Variants in STAU2 observed in about 807,000 individuals in gnomAD.
STAU2 encodes the protein double-stranded RNA-binding protein Staufen homolog 2.
Under a neutral mutation model 65.9 loss-of-function variants are expected in STAU2, and 20 were observed. The ratio of observed to expected loss-of-function variants is 0.30; its 90% CI spans 0.21 to 0.44. The LOEUF is 0.44. Among genes scored for constraint, STAU2 ranks in the 20% least tolerant of loss-of-function variants. The pLI is 1.00. For missense variants in STAU2, 558 were observed against 683.9 expected (o/e 0.82, Z 2.05); for synonymous variants, 232 against 233.9 (o/e 0.99, Z 0.07).
intron 12 of STAU2, among the ~76,000 whole-genome samples, chr8:73,564,873 T>C (rs2128951450): frequency 6.6e-6 from 1 of 152,224 alleles, no homozygotes; most frequent in Admixed American, 6.5e-5. Context: ...GCATATTAGG[T>C]TCACTGGCAG....
chr8:73,662,153 C>T (rs997146896), intron 6 of STAU2, among the ~76,000 whole-genome samples: 4 of 152,154 alleles, frequency 2.6e-5, no homozygotes, highest in African/African-American at 9.7e-5. Flanking sequence ...TGACTAATCA[C>T]TTTGAGCATC....
chr8:73,529,913 C>T (rs961971443), intron 13 of STAU2, among the ~76,000 whole-genome samples: 6 of 152,290 alleles, frequency 3.9e-5, no homozygotes, highest in Admixed American at 2.0e-4. Flanking sequence ...ATTTTCCAGG[C>T]TCCCTTGCAA....
intron 12 of STAU2, among the ~76,000 whole-genome samples, chr8:73,564,946 G>A (rs530078204): frequency 3.9e-4 from 60 of 152,294 alleles, no homozygotes; most frequent in African/African-American, 1.3e-3. Flanking sequence ...GTGCACATGT[G>A]TCCTGGAATG....
intron 13 of STAU2, among the ~76,000 whole-genome samples, chr8:73,449,947 C>T (rs917635124): frequency 1.3e-5 from 2 of 152,178 alleles, no homozygotes; most frequent in Non-Finnish European, 2.9e-5. Context: ...CAGCACTTCC[C>T]CACCAGGGCT....
chr8:73,737,296 G>A lies in STAU2; in HGVS notation c.-18+988C>T, dbSNP rs369634702. ...AGTGATTCTCCTGCCTCAGCCTCCC[G>A]AGTAGCTGGGATTACAGGCACGCAC... On this transcript the variant is annotated intron_variant, in intron 3 of 14. Transcript: ENST00000524300. Among the ~76,000 whole-genome samples the A allele has an allele frequency of 4.7e-3, 706 of 151,366 alleles. 3 individuals carry two copies. The highest frequency in any genetic ancestry group is 0.016 in the African/African-American group (675 of 41,204).
chr8:73,674,192 T>C lies in STAU2; in HGVS notation c.275-950A>G, dbSNP rs1008862996. Among the ~76,000 whole-genome samples, 11 of 150,974 alleles carry C rather than the reference T, an allele frequency of 7.3e-5. No homozygotes were observed. The East Asian group carries it at 1.2e-3, about 16-fold the overall frequency. On this transcript the variant is annotated intron_variant, in intron 5 of 14. Coordinates refer to ENST00000524300, the MANE Select transcript of STAU2 (RefSeq NM_001164380.2). Reference sequence around the variant, plus strand: ...ATGTCTCTGAATGTACACTGTTTCATAGATTTTATTTTGAAAACATGAATT... The same window carrying C: ...ATGTCTCTGAATGTACACTGTTTCACAGATTTTATTTTGAAAACATGAATT...
At chr8:73,727,524 T>A (rs1048619237) in intron 3 of STAU2, among the ~76,000 whole-genome samples, 29 of 152,266 alleles carry the variant, frequency 1.9e-4, no homozygotes, top group African/African-American at 6.8e-4. Context: ...TCTAGGTTCA[T>A]CTGCATCGTA....
At chr8:73,533,717 G>T (rs1236606616) in intron 13 of STAU2, among the ~76,000 whole-genome samples, 1 of 152,198 alleles carries the variant, frequency 6.6e-6, no homozygotes, top group Non-Finnish European at 1.5e-5. Context: ...GCAACAGAGA[G>T]AGATGAGACC....
intron 5 of STAU2, among the ~76,000 whole-genome samples, chr8:73,687,557 A>C (rs1819018775): frequency 1.5e-5 from 2 of 136,178 alleles, no homozygotes; most frequent in African/African-American, 5.6e-5. Flanking sequence ...GAAATTAATC[A>C]TTTTTTGTAA....
chr8:73,728,228 T>A (rs1464877465), intron 3 of STAU2, among the ~76,000 whole-genome samples: 1 of 152,202 alleles, frequency 6.6e-6, no homozygotes, highest in Non-Finnish European at 1.5e-5. Flanking sequence ...TCCTGGCATG[T>A]TTGTTAAAAA....
At chr8:73,671,793 C>T (rs564617117) in intron 6 of STAU2, among the ~76,000 whole-genome samples, 46 of 152,210 alleles carry the variant, frequency 3.0e-4, no homozygotes, top group African/African-American at 8.7e-4. Context: ...GAGGCCGAGG[C>T]GGACAGATCA....
intron 10 of STAU2, among the ~76,000 whole-genome samples, chr8:73,600,897 T>A (rs561228090): frequency 3.3e-5 from 5 of 152,220 alleles, no homozygotes; most frequent in Non-Finnish European, 7.3e-5. Flanking sequence ...TTATCCTAAT[T>A]TGTTAATATA....
intron 1 of STAU2, chr8:73,742,182 T>C: frequency 1.0e-6 from 1 of 984,684 alleles, no homozygotes; most frequent in Non-Finnish European, 1.2e-6. Context: ...TTTGCTAAAA[T>C]ATCAAGACAT....
At chr8:73,665,524 C>T (rs1454165826) in intron 6 of STAU2, among the ~76,000 whole-genome samples, 1 of 152,154 alleles carries the variant, frequency 6.6e-6, no homozygotes, top group African/African-American at 2.4e-5. Flanking sequence ...ATGAAACTGA[C>T]ATATTTGTAG....
At chr8:73,592,273 G>A (rs991026941) in intron 11 of STAU2, among the ~76,000 whole-genome samples, 4 of 151,754 alleles carry the variant, frequency 2.6e-5, no homozygotes, top group Non-Finnish European at 4.4e-5. Flanking sequence ...ATGAAAGTGA[G>A]TATCATTACA....
At chr8:73,426,915 C>T (rs942865137) in intron 13 of STAU2, among the ~76,000 whole-genome samples, 4 of 148,156 alleles carry the variant, frequency 2.7e-5, no homozygotes, top group Admixed American at 2.1e-4. Context: ...AGATGATGTC[C>T]ATTTTTAAAG....
At chr8:73,737,750 G>A (rs973283671) in intron 3 of STAU2, among the ~76,000 whole-genome samples, 7 of 151,750 alleles carry the variant, frequency 4.6e-5, no homozygotes, top group African/African-American at 7.3e-5. Context: ...CTATTTGATC[G>A]GGAAAGGTAA....
intron 13 of STAU2, among the ~76,000 whole-genome samples, chr8:73,537,776 T>C (rs949824374): frequency 9.2e-5 from 14 of 152,212 alleles, no homozygotes; most frequent in Non-Finnish European, 2.1e-4. Flanking sequence ...AGTATGAATA[T>C]TGGTAAATAC....
At chr8:73,702,059 G>A (rs1820149151) in intron 4 of STAU2, among the ~76,000 whole-genome samples, 1 of 151,736 alleles carries the variant, frequency 6.6e-6, no homozygotes, top group Non-Finnish European at 1.5e-5. Flanking sequence ...GAGAATAGAA[G>A]GATGGTTACT....
Sources: gnomAD v4.1 joint callset for allele counts (sites outside exome capture counted in the v4.1 genomes callset) on GRCh38, gnomAD v4.1.1 for gene constraint, MANE v1.5 for transcripts, NCBI Gene and HGNC (gene_info 2026-07-23, HGNC 2026-07-21) for gene names.